DLG1: variants seen among roughly 807,000 people sequenced by gnomAD.
DLG1 encodes disks large homolog 1.
Under a neutral mutation model 123.4 loss-of-function variants are expected in DLG1, and 42 were observed. That is an observed-to-expected ratio of 0.34 (90% CI 0.27 to 0.44). The LOEUF (loss-of-function observed/expected upper bound fraction) is 0.44. DLG1 is among the 20% of genes least tolerant of loss of function. DLG1 has a pLI of 1.00. For missense variants in DLG1, 942 were observed against 1,082.6 expected (o/e 0.87, Z 1.82); for synonymous variants, 317 against 356.2 (o/e 0.89, Z 1.24).
chr3:197,131,588 T>C (rs900094214), intron 10 of DLG1, among the ~76,000 whole-genome samples: 4 of 84,562 alleles, frequency 4.7e-5, no homozygotes, highest in East Asian at 5.3e-4. Context: ...TCCTTTCTTT[T>C]TTTTTTTTTT....
rs57981766 is a variant in DLG1 at position 197,070,565 on chromosome 3, A to ATTTTTTTTTTTTTTTTTTTTTTTTT, written c.2006-1306_2006-1305insAAAAAAAAAAAAAAAAAAAAAAAAA. On this transcript the variant is annotated intron_variant, in intron 18 of 24. Coordinates refer to ENST00000667157, the MANE Select transcript of DLG1 (RefSeq NM_001366207.1). Reference sequence around the variant, plus strand: ...ATCACCACACCCAGCTGGAAATTTCATTTTTTTTTTTTTTTTTTTTTTGAG... The same window carrying ATTTTTTTTTTTTTTTTTTTTTTTTT: ...ATCACCACACCCAGCTGGAAATTTCATTTTTTTTTTTTTTTTTTTTTTTTTTTTTTTTTTTTTTTTTTTTTTTGAG... The ATTTTTTTTTTTTTTTTTTTTTTTTT allele has an allele frequency of 1.3e-4, 10 of 76,200 alleles. 1 individual carries two copies. Among genetic ancestry groups the ATTTTTTTTTTTTTTTTTTTTTTTTT allele is most frequent in the Non-Finnish European group, 2.6e-4 (10 of 38,080 alleles). The allele number at this position is 76,200 out of a possible 1,614,324, so 4.7% of individuals were successfully genotyped here. A position where few individuals can be genotyped will look rare whatever the true frequency, so the allele number is the denominator to read the frequency against.
chr3:197,178,862 T>C (rs191560770), intron 5 of DLG1, among the ~76,000 whole-genome samples: 5 of 152,286 alleles, frequency 3.3e-5, no homozygotes, highest in Admixed American at 2.6e-4. Flanking sequence ...TTTTGGATGG[T>C]TGTTTTAATG....
chr3:197,044,935 G>A (rs1721876134), intron 24 of DLG1, among the ~76,000 whole-genome samples: 1 of 151,994 alleles, frequency 6.6e-6, no homozygotes, highest in Non-Finnish European at 1.5e-5. Flanking sequence ...CTTAAAAATG[G>A]ATCAAAAAGT....
intron 5 of DLG1, chr3:197,184,037 C>A: frequency 7.7e-7 from 1 of 1,298,162 alleles, no homozygotes; most frequent in Non-Finnish European, 9.8e-7. Context: ...TTTATTTTTG[C>A]AGACAAAAAA....
At chr3:197,048,899 T>C (rs564314705) in intron 24 of DLG1, among the ~76,000 whole-genome samples, 43 of 152,262 alleles carry the variant, frequency 2.8e-4, no homozygotes, top group African/African-American at 9.9e-4. Context: ...TCAGGGGACC[T>C]GCCCACCTGG....
At chr3:197,129,960 A>C (rs988885343) in intron 11 of DLG1, among the ~76,000 whole-genome samples, 1 of 152,216 alleles carries the variant, frequency 6.6e-6, no homozygotes, top group African/African-American at 2.4e-5. Flanking sequence ...ATAATAATGA[A>C]AAAAGTTTGA....
At chr3:197,221,246 G>T (rs1446944043) in intron 4 of DLG1, among the ~76,000 whole-genome samples, 1 of 152,168 alleles carries the variant, frequency 6.6e-6, no homozygotes, top group Non-Finnish European at 1.5e-5. Context: ...GACCGGGCGT[G>T]GTGGCTCACG....
intron 4 of DLG1, among the ~76,000 whole-genome samples, chr3:197,215,154 C>A (rs1561495610): frequency 1.3e-5 from 2 of 152,050 alleles, no homozygotes; most frequent in Non-Finnish European, 2.9e-5. Flanking sequence ...ACAATTAAAA[C>A]TGGTATTATT....
At chr3:197,089,048 A>G (rs961830991) in intron 15 of DLG1, among the ~76,000 whole-genome samples, 1 of 152,252 alleles carries the variant, frequency 6.6e-6, no homozygotes, top group Admixed American at 6.5e-5. Context: ...CAAAACTGGT[A>G]AAGTAGAAGA....
intron 3 of DLG1, among the ~76,000 whole-genome samples, chr3:197,289,714 T>C (rs1194889631): frequency 6.6e-6 from 1 of 152,196 alleles, no homozygotes; most frequent in Non-Finnish European, 1.5e-5. Context: ...TCAAATCTAC[T>C]CAAGCACAAA....
chr3:197,110,664 GCTGT>G (rs1442546680), intron 13 of DLG1, among the ~76,000 whole-genome samples: 4 of 152,120 alleles, frequency 2.6e-5, no homozygotes, highest in Admixed American at 6.5e-5. Context: ...GCTTGTCATT[GCTGT>G]CTGTTAGTGA....
chr3:197,088,980 G>A (rs1756065798), intron 15 of DLG1, among the ~76,000 whole-genome samples: 1 of 152,190 alleles, frequency 6.6e-6, no homozygotes, highest in South Asian at 2.1e-4. Context: ...GAGACTGAAT[G>A]AGTGGTTTGG....
At chr3:197,090,041 TGTGTATAGATACAC>T (rs1156817806) in intron 15 of DLG1, among the ~76,000 whole-genome samples, 2 of 152,188 alleles carry the variant, frequency 1.3e-5, no homozygotes, top group African/African-American at 4.8e-5. Context: ...TACCTGTTTG[TGTGTATAGATACAC>T]GTGTATAGGA....
At chr3:197,273,188 A>G (rs185449820) in intron 4 of DLG1, among the ~76,000 whole-genome samples, 161 of 147,968 alleles carry the variant, frequency 1.1e-3, no homozygotes, top group African/African-American at 2.5e-3. Flanking sequence ...CACTGAATAT[A>G]TGTGTGTGTG....
chr3:197,071,391 T>A (rs1743827648), intron 18 of DLG1, among the ~76,000 whole-genome samples: 1 of 145,846 alleles, frequency 6.9e-6, no homozygotes, highest in South Asian at 2.2e-4. Context: ...GTTACCAAAA[T>A]CTCTTCACTG....
intron 4 of DLG1, among the ~76,000 whole-genome samples, chr3:197,206,199 T>C (rs1728429725): frequency 6.6e-6 from 1 of 152,188 alleles, no homozygotes; most frequent in South Asian, 2.1e-4. Flanking sequence ...AAGAAATCCA[T>C]GACGTAAAGG....
intron 14 of DLG1, among the ~76,000 whole-genome samples, chr3:197,103,578 T>C (rs1406832461): frequency 6.6e-6 from 1 of 151,842 alleles, no homozygotes; most frequent in Non-Finnish European, 1.5e-5. Flanking sequence ...GTTTGGTTAA[T>C]GTGAATTAAT....
chr3:197,296,749 G>T, intron 2 of DLG1: 1 of 385,638 alleles, frequency 2.6e-6, no homozygotes, highest in Non-Finnish European at 4.6e-6. Context: ...GTTTGCCAAA[G>T]TAAAAGATCA....
chr3:197,207,747 C>CGCACTGAA (rs1729352692), intron 4 of DLG1, among the ~76,000 whole-genome samples: 1 of 115,834 alleles, frequency 8.6e-6, no homozygotes, highest in Non-Finnish European at 2.1e-5. Flanking sequence ...TTTATATCTT[C>CGCACTGAA]AACCAATATC....
Sources: allele counts gnomAD v4.1 joint callset (sites outside exome capture counted in the v4.1 genomes callset), GRCh38; gene constraint gnomAD v4.1.1; transcripts MANE v1.5; gene names NCBI Gene and HGNC (gene_info 2026-07-23, HGNC 2026-07-21).